Variants in ADGRB2 observed in about 807,000 individuals in gnomAD.
ADGRB2 encodes adhesion G protein-coupled receptor B2.
A neutral mutation model predicts 178.7 loss-of-function variants in ADGRB2; 47 were observed. The observed-to-expected ratio is 0.26, with a 90% confidence interval of 0.21 to 0.34. The LOEUF is 0.34. ADGRB2 is among the 10% of genes least tolerant of loss of function. The probability of loss-of-function intolerance (pLI) is 1.00; values close to 1 mark genes in which losing one functional copy is unlikely to be tolerated. For synonymous variants in ADGRB2, 870 were observed against 912.4 expected, an observed-to-expected ratio of 0.95 and a Z score of 0.84; for missense variants, 1,584 against 2,180.8, an observed-to-expected ratio of 0.73 and a Z score of 5.45.
In ADGRB2 at chr1:31,732,584, C is replaced by T; in HGVS notation, c.3653G>A (p.Gly1218Glu). Residue 1218 changes from glycine (G) to glutamate (E), a missense_variant, in exon 27 of 33, where the codon GGG becomes GAG. Physicochemically the swap from Gly to Glu is moderately conservative, Grantham distance 98. This residue lies in a region of ADGRB2 where 865 missense variants were observed against 1,192.8 expected (regional missense o/e 0.73). Transcript: ENST00000373658. ...EVQDVVKCQM[G>E]VCRADESEDS... ...TTCGCTCTCATCAGCCCGGCACACC[C>T]CCATCTGGCACTTCACCACATCCTG... 6.2e-7 allele frequency: 1 copy of T among 1,614,138 alleles called. No individual in the cohort carries two copies. Among genetic ancestry groups the T allele is most frequent in the Non-Finnish European group, 8.5e-7 (1 of 1,180,038 alleles).
Position 31,759,286 on chromosome 1 carries a change from C to T in ADGRB2, c.-190-1775G>A, listed in dbSNP as rs760461429. 5.1e-6 allele frequency: 4 copies of T among 779,516 alleles called. No homozygotes were observed. Among genetic ancestry groups the T allele is most frequent in the African/African-American group, 1.7e-5 (1 of 59,132 alleles). The allele number at this position is 779,516 out of a possible 1,614,324, so 48.3% of individuals were successfully genotyped here. ...AGAGGCTTACACTTGTACACATGCA[C>T]AGAGGTGCACACGCATTCTCGACTG... On this transcript the variant is annotated intron_variant, in intron 1 of 32. Coordinates refer to ENST00000373658, the MANE Select transcript of ADGRB2 (RefSeq NM_001364857.2). This position sits in a 1 kb window ranked among gnomAD's most constrained non-coding sequence, Gnocchi z 4.3.
rs267598546 is a variant in ADGRB2 at position 31,735,333 on chromosome 1, G to A, written c.3354-52C>T. 2 of 1,394,768 alleles carry A rather than the reference G, an allele frequency of 1.4e-6. No homozygotes were observed. Among genetic ancestry groups the A allele is most frequent in the Non-Finnish European group, 1.9e-6 (2 of 1,026,180 alleles). The allele number at this position is 1,394,768 out of a possible 1,614,324, so 86.4% of individuals were successfully genotyped here. On this transcript the variant is annotated intron_variant, in intron 24 of 32. Coordinates refer to ENST00000373658, the MANE Select transcript of ADGRB2 (RefSeq NM_001364857.2). The surrounding 1 kb of genome is among the most constrained non-coding windows in gnomAD (Gnocchi z 6.0). ...AGGAGGGGAAACACATGGGAAGCCGGGAGATGGGGCAGAATGAGCCCCGAG... is the reference window on the plus strand; with the variant it reads ...AGGAGGGGAAACACATGGGAAGCCGAGAGATGGGGCAGAATGAGCCCCGAG...
chr1:31,728,417 T>A lies in ADGRB2; in HGVS notation c.4417-137A>T. 1 of 1,316,884 alleles carries A rather than the reference T, an allele frequency of 7.6e-7. No individual in the cohort carries two copies. Among genetic ancestry groups the A allele is most frequent in the Non-Finnish European group, 1.1e-6 (1 of 923,422 alleles). The allele number at this position is 1,316,884 out of a possible 1,614,324, so 81.6% of individuals were successfully genotyped here. On this transcript the variant is annotated intron_variant, in intron 30 of 32. Coordinates refer to ENST00000373658, the MANE Select transcript of ADGRB2 (RefSeq NM_001364857.2). This position sits in a 1 kb window ranked among gnomAD's most constrained non-coding sequence, Gnocchi z 6.7. ...TCTGGGACAAGACCTAGTTCTCTCT[T>A]CACGTTGGTGCTATGGGCTTGGGCA... is the stretch of plus-strand genomic sequence containing the variant.
At position 31,741,438 on chromosome 1, in the gene ADGRB2, C is replaced by A; in HGVS notation, c.1729G>T (p.Ala577Ser). 1 of 1,604,960 alleles carries A rather than the reference C, an allele frequency of 6.2e-7. No homozygotes were observed. The highest frequency in any genetic ancestry group is 8.5e-7 in the Non-Finnish European group (1 of 1,175,970). ...RRCLLSAQGV[A>S]YWGLPSFARC... is the part of the protein sequence containing the mutation. ...GCAAAGCTGGGCAGCCCCCAGTACGCCACGCCTTGGGCACTGAGGAGACAG... is the reference window on the plus strand; with the variant it reads ...GCAAAGCTGGGCAGCCCCCAGTACGACACGCCTTGGGCACTGAGGAGACAG... Residue 577 changes from alanine to serine, a missense_variant, in exon 11 of 33, where the codon GCG becomes TCG. Physicochemically the swap from Ala to Ser is moderately conservative, Grantham distance 99. Coordinates refer to ENST00000373658, the MANE Select transcript of ADGRB2 (RefSeq NM_001364857.2). The surrounding 1 kb of genome is among the most constrained non-coding windows in gnomAD (Gnocchi z 6.5).
intron 20 of ADGRB2, 24 bp downstream of exon 20, chr1:31,737,405 G>A: frequency 2.5e-6 from 4 of 1,597,104 alleles, no homozygotes; most frequent in Non-Finnish European, 3.4e-6. Context: ...CACACCCCTG[G>A]CAGCCCTGGA....
At chr1:31,743,032 G>T in intron 6 of ADGRB2, 30 bp from the exon 7 acceptor site, 1 of 1,379,534 alleles carries the variant, frequency 7.2e-7, no homozygotes. Flanking sequence ...CGGTGGCTGG[G>T]CGGCACCATG....
intron 6 of ADGRB2, 42 bp from the exon 7 acceptor site, chr1:31,743,044 C>T: frequency 6.6e-6 from 9 of 1,358,610 alleles, no homozygotes; most frequent in Non-Finnish European, 8.5e-6. Flanking sequence ...GGCACCATGG[C>T]CCCGCCCACC....
chr1:31,730,879 T>C lies in ADGRB2; in HGVS notation c.4301A>G (p.Gln1434Arg), dbSNP rs895086972. The C allele has an allele frequency of 2.6e-6, 4 of 1,566,670 alleles. No homozygotes were observed. The highest frequency in any genetic ancestry group is 3.5e-6 in the Non-Finnish European group (4 of 1,157,002). The change falls in exon 29 of 33, where the codon CAA becomes CGA. Residue 1434 changes from glutamine to arginine, a missense_variant. By Grantham distance (43) the Gln-to-Arg change is conservative (BLOSUM62 1). Transcript: ENST00000373658. ...GCTGCGCTCCCCTGGCTCGGGCACT[T>C]GGCGGGCGCTGGGTGTCGGCGGTGG... is the stretch of plus-strand genomic sequence containing the variant. ...QPPPPTPSAR[Q>R]VPEPGERSRT... is the part of the protein sequence containing the mutation.
Position 31,739,504 on chromosome 1 carries a change from T to C in ADGRB2, c.2299A>G (p.Ser767Gly). The C allele has an allele frequency of 6.2e-7, 1 of 1,613,010 alleles. No individual in the cohort carries two copies. Among genetic ancestry groups the C allele is most frequent in the Non-Finnish European group, 8.5e-7 (1 of 1,179,886 alleles). Reference sequence around the variant, plus strand: ...GCTGGCTTCCCTGGGGAGGAGAGGCTGAGCACCTCCTTGGGCAGGAAGAGG... The same window carrying C: ...GCTGGCTTCCCTGGGGAGGAGAGGCCGAGCACCTCCTTGGGCAGGAAGAGG... ...DRLFLPKEVL[S>G]LSSPGKPATS... Residue 767 changes from serine (S) to glycine (G), a missense_variant, in exon 15 of 33, where the codon AGC becomes GGC. Around this residue, in one of 3 missense-constraint regions of ADGRB2, gnomAD observed 865 missense variants for 1,192.8 expected, o/e 0.73. Coordinates refer to ENST00000373658, the MANE Select transcript of ADGRB2 (RefSeq NM_001364857.2).
chr1:31,740,050 G>A lies in ADGRB2; in HGVS notation c.2059-16C>T. 6.2e-7 allele frequency: 1 copy of A among 1,614,162 alleles called. No homozygotes were observed. The highest frequency in any genetic ancestry group is 8.5e-7 in the Non-Finnish European group (1 of 1,179,972). ...CAGGGGACACCTGGGGACAGAAAGTGTGTAAGGGTCCAAGGCAGGGTGGGT... is the reference window on the plus strand; with the variant it reads ...CAGGGGACACCTGGGGACAGAAAGTATGTAAGGGTCCAAGGCAGGGTGGGT... On this transcript the variant is annotated splice_polypyrimidine_tract_variant and intron_variant, in intron 13 of 32. Coordinates refer to ENST00000373658, the MANE Select transcript of ADGRB2 (RefSeq NM_001364857.2). The surrounding 1 kb of genome is among the most constrained non-coding windows in gnomAD (Gnocchi z 5.9).
chr1:31,739,638 G>A lies in ADGRB2; in HGVS notation c.2168-3C>T, dbSNP rs1228350118. 1 of 1,573,984 alleles carries A rather than the reference G, an allele frequency of 6.4e-7. No homozygotes were observed. The highest frequency in any genetic ancestry group is 8.6e-7 in the Non-Finnish European group (1 of 1,157,636). On this transcript the variant is annotated splice_region_variant and splice_polypyrimidine_tract_variant and intron_variant, in intron 14 of 32. Coordinates refer to ENST00000373658, the MANE Select transcript of ADGRB2 (RefSeq NM_001364857.2). ...GGGCTCTCGCTGAATGCTGATCACTGCAGTGGGAGGAGGGTGGACAGAGAC... is the reference window on the plus strand; with the variant it reads ...GGGCTCTCGCTGAATGCTGATCACTACAGTGGGAGGAGGGTGGACAGAGAC...
rs984254351 is a variant in ADGRB2, at chr1:31,761,709, G to A, written c.-191+2175C>T. ...GAAAAGTGGAGACTGGGGGCTAAAG[G>A]TGTTTCTGTCTTTATTATACTGGGG... is the stretch of plus-strand genomic sequence containing the variant. On this transcript the variant is annotated intron_variant, in intron 1 of 32. Transcript: ENST00000373658. The surrounding 1 kb of genome is among the most constrained non-coding windows in gnomAD (Gnocchi z 4.2). 2.0e-5 allele frequency among the ~76,000 whole-genome samples: 3 copies of A among 152,156 alleles called. No homozygotes were observed. The highest frequency in any genetic ancestry group is 6.5e-5 in the Admixed American group (1 of 15,288).
intron 6 of ADGRB2, 120 bp from the exon 7 acceptor site, chr1:31,743,122 T>A: frequency 8.5e-7 from 1 of 1,177,614 alleles, no homozygotes; most frequent in South Asian, 2.1e-5. Context: ...TCATTGGCTC[T>A]GCCCCGGGAT....
chr1:31,736,218 A>G, intron 22 of ADGRB2, 103 bp downstream of exon 22: 1 of 1,406,606 alleles, frequency 7.1e-7, no homozygotes, highest in Admixed American at 1.9e-5. Flanking sequence ...GAACTTGCCC[A>G]AAGACCCAAA....
At position 31,728,211 on chromosome 1, in the gene ADGRB2, C is replaced by T. The variant is rs772348583; in HGVS notation, c.4486G>A (p.Asp1496Asn). 3.7e-5 allele frequency: 59 copies of T among 1,614,170 alleles called. 2 individuals are homozygous for T. In the South Asian group the frequency reaches 5.6e-4, roughly 15 times the overall value. ...GCCGTGGACTGGCTGCGGTAGCGGT[C>T]GAAAGTGTGGAACTTCTGGTTGAGC... ...HELNQKFHTF[D>N]RYRSQSTAKR... The change falls in exon 31 of 33, where the codon GAC becomes AAC. Residue 1496 changes from aspartate (D) to asparagine (N), a missense_variant. This residue lies in a region of ADGRB2 where 865 missense variants were observed against 1,192.8 expected (regional missense o/e 0.73). Coordinates refer to ENST00000373658, the MANE Select transcript of ADGRB2 (RefSeq NM_001364857.2). This position sits in a 1 kb window ranked among gnomAD's most constrained non-coding sequence, Gnocchi z 6.7.
rs1374421374 is a variant in ADGRB2 at position 31,733,936 on chromosome 1, CCA to C, written c.3453-795_3453-794del. Among the ~76,000 whole-genome samples, 1 of 152,240 alleles carries C rather than the reference CCA, an allele frequency of 6.6e-6. No individual in the cohort carries two copies. The highest frequency in any genetic ancestry group is 2.4e-5 in the African/African-American group (1 of 41,454). ...CCACCATACCCTCCCGGGCCAGGTG[CCA>C]CACTCAGCCCACTCTCCTTCGCAAA... On this transcript the variant is annotated intron_variant, in intron 25 of 32. Coordinates refer to ENST00000373658, the MANE Select transcript of ADGRB2 (RefSeq NM_001364857.2). The surrounding 1 kb of genome is among the most constrained non-coding windows in gnomAD (Gnocchi z 4.3).
At chr1:31,746,656 C>G (rs1035933493) in intron 4 of ADGRB2, among the ~76,000 whole-genome samples, 3 of 152,166 alleles carry the variant, frequency 2.0e-5, no homozygotes, top group Non-Finnish European at 4.4e-5. Flanking sequence ...TCTCTGCCCA[C>G]TCTCTCAGCG....
At chr1:31,757,173 T>G in intron 3 of ADGRB2, 28 bp downstream of exon 3, 1 of 1,614,184 alleles carries the variant, frequency 6.2e-7, no homozygotes, top group Non-Finnish European at 8.5e-7. Context: ...CATATTCGCC[T>G]TGCATTCAGA....
rs748594712 is a variant in ADGRB2 at position 31,756,840 on chromosome 1, G to A, written c.22-25C>T. On this transcript the variant is annotated intron_variant, in intron 3 of 32. Transcript: ENST00000373658. The surrounding 1 kb of genome is among the most constrained non-coding windows in gnomAD (Gnocchi z 8.5). ...CCTGTGGAGAGAGACAGTGGTCAGC[G>A]GGCCCCCAGCACAGCCAGCATGGGC... The A allele has an allele frequency of 1.8e-5, 26 of 1,452,720 alleles. No individual in the cohort carries two copies. The South Asian group carries it at 2.2e-4, about 12-fold the overall frequency. 90.0% of individuals were successfully genotyped at this position (1,452,720 alleles called of 1,614,324 possible).
Sources: gnomAD v4.1 joint callset for allele counts (sites outside exome capture counted in the v4.1 genomes callset) on GRCh38, gnomAD v4.1.1 for gene constraint, gnomAD v4.1.1 regional missense constraint, Gnocchi (gnomAD v3.1) non-coding constraint, MANE v1.5 for transcripts, NCBI Gene and HGNC (gene_info 2026-07-23, HGNC 2026-07-21) for gene names.